Variants in ORMDL1 observed in about 807,000 individuals in gnomAD.
ORMDL1 encodes the protein ORM1-like protein 1.
ORMDL1 carries 10 observed loss-of-function variants against 13.0 expected under a neutral mutation model. The ratio of observed to expected loss-of-function variants is 0.77; its 90% CI spans 0.47 to 1.30. ORMDL1 has a LOEUF of 1.30. Among genes scored for constraint, ORMDL1 ranks in the 50% most tolerant of loss-of-function variants. The pLI is 0.00. For synonymous variants in ORMDL1, 61 were observed against 63.9 expected, an observed-to-expected ratio of 0.95 and a Z score of 0.22; for missense variants, 171 against 186.7, an observed-to-expected ratio of 0.92 and a Z score of 0.49.
chr2:189,778,585 G>A (rs138644201), intron 3 of ORMDL1, among the ~76,000 whole-genome samples: 3 of 152,220 alleles, frequency 2.0e-5, no homozygotes, highest in Middle Eastern at 3.4e-3. Flanking sequence ...GCAGGAAGGA[G>A]GGAGAGGTAT....
At position 189,771,876 on chromosome 2, in the gene ORMDL1, T is replaced by A; in HGVS notation, c.353A>T (p.Lys118Met). The A allele has an allele frequency of 6.2e-7, 1 of 1,601,104 alleles. No homozygotes were observed. Among genetic ancestry groups the A allele is most frequent in the East Asian group, 2.2e-5 (1 of 44,508 alleles). The part of the protein sequence containing the change: ...ILYFLASFYT[K>M]YDPTHFILNT... The stretch of plus-strand genomic sequence containing the variant: ...TAGGATGAAGTGAGTTGGATCATAC[T>A]TCGTATAGAAACTTGCCAGAAAATA... The change falls in exon 5 of 5, where the codon AAG (lysine) becomes ATG (methionine). Residue 118 changes from lysine (K) to methionine (M), a missense_variant. By Grantham distance (95) the Lys-to-Met change is moderately conservative. Transcript: ENST00000392349.
chr2:189,782,765 A>G, intron 2 of ORMDL1, 163 bp from the exon 3 acceptor site: 1 of 559,210 alleles, frequency 1.8e-6, no homozygotes. Flanking sequence ...GATGCTGATG[A>G]CAGCAGTAAA....
chr2:189,767,681 CTG>C (rs1013434925), downstream of ORMDL1, among the ~76,000 whole-genome samples: 1 of 152,148 alleles, frequency 6.6e-6, no homozygotes, highest in African/African-American at 2.4e-5. Flanking sequence ...TGAACGGACA[CTG>C]TGATAAACTG....
intron 3 of ORMDL1, among the ~76,000 whole-genome samples, chr2:189,781,801 A>T (rs1179075845): frequency 6.6e-6 from 1 of 152,172 alleles, no homozygotes; most frequent in Non-Finnish European, 1.5e-5. Context: ...TAAACTATAC[A>T]CTTTAAATGG....
chr2:189,769,394 C>CA (rs11375753), downstream of ORMDL1, among the ~76,000 whole-genome samples: 144,348 of 148,744 alleles, frequency 0.97, 70,141 homozygotes, highest in South Asian at 1. Flanking sequence ...CCAGCCATCT[C>CA]AAAAAAAAAA....
At chr2:189,775,151 TCC>T in intron 4 of ORMDL1, 1 of 154,262 alleles carries the variant, frequency 6.5e-6, no homozygotes, top group Non-Finnish European at 1.4e-5. Flanking sequence ...CCATACTCTT[TCC>T]CAAGGAGTCT....
downstream of ORMDL1, among the ~76,000 whole-genome samples, chr2:189,769,159 G>C (rs147893451): frequency 1.3e-5 from 2 of 152,170 alleles, no homozygotes; most frequent in East Asian, 3.9e-4. Flanking sequence ...AGGTTGAAGC[G>C]GGCAGATCAC....
intron 3 of ORMDL1, among the ~76,000 whole-genome samples, chr2:189,777,170 T>C (rs943631464): frequency 2.6e-5 from 4 of 152,130 alleles, no homozygotes; most frequent in African/African-American, 9.7e-5. Flanking sequence ...CATGTTAGAG[T>C]TGTTTGCATG....
intron 1 of ORMDL1, chr2:189,783,641 T>C (rs572422563): frequency 1.3e-5 from 2 of 152,366 alleles, no homozygotes; most frequent in East Asian, 3.9e-4. Flanking sequence ...CTCCAATTTA[T>C]ATGTGTAAAT....
At position 189,783,711 on chromosome 2, in the gene ORMDL1, T is replaced by G. The variant is rs1039485050; in HGVS notation, c.-118+558A>C. 2.0e-5 allele frequency: 3 copies of G among 152,300 alleles called. No individual in the cohort carries two copies. The East Asian group carries it at 5.8e-4, about 29-fold the overall frequency. 9.4% of individuals were successfully genotyped at this position (152,300 alleles called of 1,614,324 possible). A position where few individuals can be genotyped will look rare whatever the true frequency, so the allele number is the denominator to read the frequency against. On this transcript the variant is annotated intron_variant, in intron 1 of 4. Transcript: ENST00000392349. ...AAACTATTATGTCATACTTAGAACATGCCAACACTCAAGATAGTTTTCCCA... is the reference window on the plus strand; with the variant it reads ...AAACTATTATGTCATACTTAGAACAGGCCAACACTCAAGATAGTTTTCCCA...
In ORMDL1 at chr2:189,775,605, TA is replaced by T; in HGVS notation, c.285del (p.Phe95LeufsTer13). On this transcript the variant is annotated frameshift_variant, in exon 4 of 5. Transcript: ENST00000392349. LOFTEE classifies it high-confidence loss of function. ...HWEQLDYGVQ[F>X]TSSRKFFTIS... is the part of the protein sequence containing the mutation. ...ATTGTGAAAAACTTCCGTGAAGATG[TA>T]AACTGTACTCCATAGTCCAGTTGTT... The T allele has an allele frequency of 6.2e-7, 1 of 1,610,580 alleles. No homozygotes were observed. Among genetic ancestry groups the T allele is most frequent in the Non-Finnish European group, 8.5e-7 (1 of 1,178,690 alleles).
chr2:189,778,088 C>T (rs961008090), intron 3 of ORMDL1: 6 of 430,230 alleles, frequency 1.4e-5, no homozygotes, highest in Non-Finnish European at 2.3e-5. Context: ...ACTTGAAACA[C>T]GGTTAGGGGG....
intron 3 of ORMDL1, chr2:189,778,278 C>T (rs2047743728): frequency 4.8e-6 from 2 of 415,340 alleles, no homozygotes; most frequent in Non-Finnish European, 9.5e-6. Flanking sequence ...ACCTGTAATC[C>T]CAGCGACTCA....
At chr2:189,773,118 T>G (rs1169869545) in intron 4 of ORMDL1, among the ~76,000 whole-genome samples, 1 of 152,262 alleles carries the variant, frequency 6.6e-6, no homozygotes, top group Non-Finnish European at 1.5e-5. Flanking sequence ...TATAATCTGA[T>G]AGGTTAGAAA....
At chr2:189,773,636 C>T (rs772575241) in intron 4 of ORMDL1, among the ~76,000 whole-genome samples, 2 of 142,834 alleles carry the variant, frequency 1.4e-5, no homozygotes, top group African/African-American at 2.6e-5. Context: ...GCAGGAGAAT[C>T]GCTTGAACCT....
chr2:189,764,841 CT>C, the ORMDL1 span: 197 of 145,264 alleles, frequency 1.4e-3, no homozygotes, highest in African/African-American at 2.8e-3. Context: ...AAGAATCTTT[CT>C]TTTTTTTTTT....
chr2:189,777,486 T>C (rs548490611), intron 3 of ORMDL1, among the ~76,000 whole-genome samples: 8 of 152,338 alleles, frequency 5.3e-5, no homozygotes, highest in African/African-American at 1.9e-4. Flanking sequence ...CTTCAAACCA[T>C]ATGTACTTAA....
At chr2:189,782,766 C>T (rs2047894849) in intron 2 of ORMDL1, 164 bp from the exon 3 acceptor site, 2 of 557,192 alleles carry the variant, frequency 3.6e-6, no homozygotes, top group African/African-American at 1.9e-5. Flanking sequence ...ATGCTGATGA[C>T]AGCAGTAAAG....
chr2:189,779,072 G>A (rs1463877121), intron 3 of ORMDL1, among the ~76,000 whole-genome samples: 1 of 152,074 alleles, frequency 6.6e-6, no homozygotes, highest in Non-Finnish European at 1.5e-5. Flanking sequence ...TAGCTACTTG[G>A]AAGGCTGAGG....
Sources: allele counts gnomAD v4.1 joint callset (sites outside exome capture counted in the v4.1 genomes callset), GRCh38; gene constraint gnomAD v4.1.1; transcripts MANE v1.5; gene names NCBI Gene and HGNC (gene_info 2026-07-23, HGNC 2026-07-21).